The following CACNB2 variants were observed in gnomAD, a reference collection of about 807,000 sequenced individuals.
CACNB2 encodes the protein voltage-dependent L-type calcium channel subunit beta-2.
CACNB2 carries 42 observed loss-of-function variants against 73.3 expected under a neutral mutation model. That is an observed-to-expected ratio of 0.57 (90% CI 0.45 to 0.74). The LOEUF (loss-of-function observed/expected upper bound fraction) is 0.74. Among genes scored for constraint, CACNB2 ranks in the 30% least tolerant of loss-of-function variants. The pLI, the probability that CACNB2 is intolerant of heterozygous loss-of-function variation, is 0.00. For synonymous variants in CACNB2, 348 were observed against 310.3 expected, an observed-to-expected ratio of 1.12 and a Z score of -1.28; for missense variants, 940 against 853.0, an observed-to-expected ratio of 1.10 and a Z score of -1.27.
At chr10:18,184,645 CTTTGTTTTTTTT>C (rs1372039334) in intron 2 of CACNB2, among the ~76,000 whole-genome samples, 5 of 59,132 alleles carry the variant, frequency 8.5e-5, no homozygotes, top group Non-Finnish European at 1.5e-4. Flanking sequence ...GTTTCTCAGA[CTTTGTTTTTTTT>C]TTTTTTTTTT....
intron 2 of CACNB2, among the ~76,000 whole-genome samples, chr10:18,221,251 G>A (rs1397502842): frequency 1.3e-5 from 2 of 152,008 alleles, no homozygotes; most frequent in African/African-American, 4.8e-5. Flanking sequence ...AAAGGCAATA[G>A]CAGTACTGTT....
chr10:18,410,157 C>G (rs1001483499), intron 3 of CACNB2, among the ~76,000 whole-genome samples: 3 of 152,158 alleles, frequency 2.0e-5, no homozygotes, highest in African/African-American at 7.2e-5. Flanking sequence ...CTGCCCGCCT[C>G]TTGCAGGTAC....
chr10:18,476,245 A>G (rs999049996), intron 3 of CACNB2, among the ~76,000 whole-genome samples: 1 of 152,158 alleles, frequency 6.6e-6, no homozygotes, highest in Non-Finnish European at 1.5e-5. Context: ...ATGTTAATGC[A>G]TTGTAATTAG....
intron 2 of CACNB2, among the ~76,000 whole-genome samples, chr10:18,272,197 G>A (rs2038083125): frequency 6.6e-6 from 1 of 151,984 alleles, no homozygotes; most frequent in Non-Finnish European, 1.5e-5. Flanking sequence ...CGAAAGAGTG[G>A]ATCACAATCT....
intron 2 of CACNB2, among the ~76,000 whole-genome samples, chr10:18,304,329 G>A (rs2039644469): frequency 6.6e-6 from 1 of 152,056 alleles, no homozygotes; most frequent in Admixed American, 6.5e-5. Flanking sequence ...TACACAATGG[G>A]CAAGTATATT....
At chr10:18,356,112 C>T (rs1288139917) in intron 2 of CACNB2, among the ~76,000 whole-genome samples, 2 of 152,200 alleles carry the variant, frequency 1.3e-5, no homozygotes, top group East Asian at 3.9e-4. Flanking sequence ...CCCACTGCCC[C>T]ATGCATTGAC....
chr10:18,220,224 TATATATATAGAGAGAGAGAGAG>T (rs1288573378), intron 2 of CACNB2, among the ~76,000 whole-genome samples: 17 of 48,038 alleles, frequency 3.5e-4, no homozygotes, highest in Non-Finnish European at 5.5e-4. Flanking sequence ...TATATATATA[TATATATATAGAGAGAGAGAGAG>T]AGAGAGAGAG....
intron 3 of CACNB2, among the ~76,000 whole-genome samples, chr10:18,437,475 T>A (rs2046196621): frequency 6.6e-6 from 1 of 152,188 alleles, no homozygotes; most frequent in African/African-American, 2.4e-5. Flanking sequence ...TTTTGTGTGT[T>A]ATATACTGCA....
intron 12 of CACNB2, among the ~76,000 whole-genome samples, chr10:18,537,393 T>C (rs1364565031): frequency 1.3e-5 from 2 of 152,212 alleles, no homozygotes; most frequent in Non-Finnish European, 2.9e-5. Flanking sequence ...AAAAGTGGCA[T>C]TATTTTCTTC....
At chr10:18,207,450 T>C (rs2035142157) in intron 2 of CACNB2, among the ~76,000 whole-genome samples, 1 of 152,236 alleles carries the variant, frequency 6.6e-6, no homozygotes, top group African/African-American at 2.4e-5. Context: ...ATATCAGAAC[T>C]ATCCATGGTT....
At chr10:18,431,207 T>C (rs2045874767) in intron 3 of CACNB2, among the ~76,000 whole-genome samples, 1 of 152,138 alleles carries the variant, frequency 6.6e-6, no homozygotes, top group Non-Finnish European at 1.5e-5. Context: ...CGTCTCAAAC[T>C]CCTGGGCAAG....
At chr10:18,366,387 C>T (rs992571934) in intron 2 of CACNB2, among the ~76,000 whole-genome samples, 1 of 151,510 alleles carries the variant, frequency 6.6e-6, no homozygotes, top group African/African-American at 2.4e-5. Flanking sequence ...ATGGTACGAA[C>T]CCGGGAGGCG....
intron 3 of CACNB2, among the ~76,000 whole-genome samples, chr10:18,493,383 G>T (rs913907983): frequency 6.6e-6 from 1 of 152,128 alleles, no homozygotes; most frequent in African/African-American, 2.4e-5. Context: ...GGTCAGGCTG[G>T]TCTCAAACTC....
chr10:18,159,837 T>C (rs1275360411), intron 2 of CACNB2, among the ~76,000 whole-genome samples: 2 of 152,210 alleles, frequency 1.3e-5, no homozygotes, highest in Non-Finnish European at 2.9e-5. Flanking sequence ...GCTGTATGCG[T>C]CACAAACACA....
chr10:18,370,868 T>A (rs985329418), intron 2 of CACNB2, among the ~76,000 whole-genome samples: 14 of 152,254 alleles, frequency 9.2e-5, no homozygotes, highest in African/African-American at 3.1e-4. Flanking sequence ...TATGTGTATA[T>A]ATTTCAACAT....
At chr10:18,407,987 A>T (rs1485377756) in intron 3 of CACNB2, among the ~76,000 whole-genome samples, 1 of 152,080 alleles carries the variant, frequency 6.6e-6, no homozygotes, top group African/African-American at 2.4e-5. Context: ...TCTAATGACT[A>T]TATTTATTAT....
chr10:18,267,908 C>T lies in CACNB2; in HGVS notation c.213+116933C>T, dbSNP rs185190864. On this transcript the variant is annotated intron_variant, in intron 2 of 13. Coordinates refer to ENST00000324631, the MANE Select transcript of CACNB2 (RefSeq NM_201596.3). The stretch of plus-strand genomic sequence containing the variant: ...ACACCAGAGAAGCTCCTGCAAGTTA[C>T]TTCATCACTCTGTGCCTCAACTTGC... 1.2e-4 allele frequency among the ~76,000 whole-genome samples: 19 copies of T among 152,328 alleles called. No homozygotes were observed. In the East Asian group the frequency reaches 3.5e-3, roughly 28 times the overall value.
chr10:18,364,892 G>A (rs118086164), intron 2 of CACNB2, among the ~76,000 whole-genome samples: 1,821 of 152,100 alleles, frequency 0.012, 9 homozygotes, highest in Middle Eastern at 0.024. Context: ...AAAAGTGATC[G>A]GAGATTAAAG....
intron 1 of CACNB2, among the ~76,000 whole-genome samples, chr10:18,149,509 A>C (rs2031316612): frequency 6.6e-6 from 1 of 152,314 alleles, no homozygotes; most frequent in East Asian, 1.9e-4. Flanking sequence ...TATATAAGAA[A>C]ATTTTTTGCT....
Sources: gnomAD v4.1 joint callset for allele counts (sites outside exome capture counted in the v4.1 genomes callset) on GRCh38, gnomAD v4.1.1 for gene constraint, MANE v1.5 for transcripts, NCBI Gene and HGNC (gene_info 2026-07-23, HGNC 2026-07-21) for gene names.